The following NHLRC2 variants were observed in gnomAD, a reference collection of about 807,000 sequenced individuals.
NHLRC2 encodes NHL repeat-containing protein 2.
In NHLRC2, 33 loss-of-function variants were observed where a neutral mutation model predicts 68.1. The observed-to-expected ratio is 0.48, with a 90% CI of 0.37 to 0.65. The LOEUF is 0.65. Ranked by LOEUF, NHLRC2 falls within the 30% of genes least tolerant of loss-of-function variation. The pLI is 0.00. For missense variants in NHLRC2, 761 were observed against 853.8 expected (o/e 0.89, Z 1.35); for synonymous variants, 311 against 309.6 (o/e 1.00, Z -0.05).
intron 5 of NHLRC2, among the ~76,000 whole-genome samples, chr10:113,888,896 G>A (rs1048635589): frequency 4.1e-5 from 6 of 147,810 alleles, no homozygotes; most frequent in African/African-American, 1.3e-4. Flanking sequence ...ACGTGATCTC[G>A]GCTCACTGCA....
intron 10 of NHLRC2, 23 bp from the exon 11 acceptor site, chr10:113,908,254 TTAA>T (rs771662426): frequency 2.5e-6 from 4 of 1,584,674 alleles, no homozygotes; most frequent in East Asian, 4.5e-5. Context: ...TTATACAGTC[TTAA>T]TAATTTCATT....
rs1254098095 is a variant in NHLRC2, at chr10:113,913,719, CATAA to C, written c.*5188_*5191del. On this transcript the variant is annotated 3_prime_UTR_variant, in exon 11 of 11. Transcript: ENST00000369301. ...AATACAGTCTTCTGCTTTCTTGTTT[CATAA>C]ATAACACTGGTATGCAGACCCCTCC... is the stretch of plus-strand genomic sequence containing the variant. 2.6e-5 allele frequency: 4 copies of C among 152,200 alleles called. No homozygotes were observed. Among genetic ancestry groups the C allele is most frequent in the Admixed American group, 2.6e-4 (4 of 15,290 alleles). The allele number at this position is 152,200 out of a possible 1,614,324, so 9.4% of individuals were successfully genotyped here.
Position 113,914,778 on chromosome 10 carries a change from G to A in NHLRC2, c.*6242G>A. The A allele has an allele frequency of 3.1e-6, 1 of 325,578 alleles. No individual in the cohort carries two copies. Among genetic ancestry groups the A allele is most frequent in the Non-Finnish European group, 6.0e-6 (1 of 166,284 alleles). 20.2% of individuals were successfully genotyped at this position (325,578 alleles called of 1,614,324 possible). A position where few individuals can be genotyped will look rare whatever the true frequency, so the allele number is the denominator to read the frequency against. ...TAAATGAAGTATTAGCAATAATCAT[G>A]TCACTATTTTGTCCTGAATAATTAA... On this transcript the variant is annotated 3_prime_UTR_variant, in exon 11 of 11. Transcript: ENST00000369301.
intron 5 of NHLRC2, among the ~76,000 whole-genome samples, chr10:113,890,001 GCA>G (rs1414837834): frequency 6.6e-6 from 1 of 152,158 alleles, no homozygotes; most frequent in African/African-American, 2.4e-5. Context: ...AAACGTTTGT[GCA>G]CAGTTTTTGT....
At chr10:113,901,160 TGG>T (rs1846224740) in intron 6 of NHLRC2, among the ~76,000 whole-genome samples, 1 of 152,212 alleles carries the variant, frequency 6.6e-6, no homozygotes, top group African/African-American at 2.4e-5. Context: ...ATGTCTGACC[TGG>T]CCAACTTTCA....
chr10:113,893,638 C>T (rs911976914), intron 5 of NHLRC2, among the ~76,000 whole-genome samples: 9 of 152,244 alleles, frequency 5.9e-5, no homozygotes, highest in East Asian at 5.8e-4. Flanking sequence ...TCTCTTTCCT[C>T]GGGCATCTGA....
intron 3 of NHLRC2, among the ~76,000 whole-genome samples, chr10:113,877,375 A>G (rs749200435): frequency 3.3e-5 from 5 of 152,028 alleles, no homozygotes; most frequent in Admixed American, 6.6e-5. Context: ...CTTTTTAAAG[A>G]TCATGTCAGT....
chr10:113,884,081 G>A (rs1001126736), intron 4 of NHLRC2, among the ~76,000 whole-genome samples, 170 bp from the exon 5 acceptor site: 1 of 151,856 alleles, frequency 6.6e-6, no homozygotes, highest in African/African-American at 2.4e-5. Flanking sequence ...CTGATTATGT[G>A]CATTTGAATA....
At chr10:113,903,059 A>G (rs555791942) in intron 8 of NHLRC2, among the ~76,000 whole-genome samples, 1 of 152,334 alleles carries the variant, frequency 6.6e-6, no homozygotes, top group East Asian at 1.9e-4. Flanking sequence ...TGGATAATAA[A>G]TGTTCATGCA....
intron 8 of NHLRC2, 91 bp from the exon 9 acceptor site, chr10:113,903,436 C>G (rs1846245443): frequency 9.1e-6 from 7 of 770,026 alleles, no homozygotes; most frequent in Non-Finnish European, 1.6e-5. Flanking sequence ...TAATGGCAAT[C>G]AGAAATTAGC....
rs1210188381 is a variant in NHLRC2 at position 113,858,980 on chromosome 10, G to A, written c.331+300G>A. On this transcript the variant is annotated intron_variant, in intron 2 of 10. Transcript: ENST00000369301. The stretch of plus-strand genomic sequence containing the variant: ...AAAGGTCTTTTTGTATGTTGAGGCT[G>A]ACTTAAATTTGTTCTATTAAAAAAA... 22 of 215,406 alleles carry A rather than the reference G, an allele frequency of 1.0e-4. No individual in the cohort carries two copies. The East Asian group carries it at 1.8e-3, about 18-fold the overall frequency. 13.3% of individuals were successfully genotyped at this position (215,406 alleles called of 1,614,324 possible).
chr10:113,859,303 A>G (rs1414618375), intron 2 of NHLRC2, among the ~76,000 whole-genome samples: 1 of 152,084 alleles, frequency 6.6e-6, no homozygotes, highest in Admixed American at 6.5e-5. Context: ...TTTTTTGTCT[A>G]CTTTCTAAAA....
intron 2 of NHLRC2, among the ~76,000 whole-genome samples, chr10:113,864,955 G>GTT (rs769905965): frequency 4.9e-5 from 7 of 143,268 alleles, no homozygotes; most frequent in Non-Finnish European, 6.1e-5. Context: ...AGGTTTTTTG[G>GTT]TTTTTTTTTT....
chr10:113,893,511 G>A (rs1299073147), intron 5 of NHLRC2, among the ~76,000 whole-genome samples: 5 of 152,046 alleles, frequency 3.3e-5, no homozygotes, highest in African/African-American at 7.3e-5. Context: ...TTATTAGCTC[G>A]GTGCCATCAA....
At chr10:113,884,137 T>C (rs1187689012) in intron 4 of NHLRC2, 114 bp from the exon 5 acceptor site, 24 of 829,820 alleles carry the variant, frequency 2.9e-5, no homozygotes, top group African/African-American at 6.9e-5. Context: ...TAATAAAACT[T>C]TGTACTGCAC....
chr10:113,910,909 A>AT lies in NHLRC2; in HGVS notation c.*2377dup, dbSNP rs1846322621. 1 of 149,736 alleles carries AT rather than the reference A, an allele frequency of 6.7e-6. No homozygotes were observed. The highest frequency in any genetic ancestry group is 6.6e-5 in the Admixed American group (1 of 15,222). 9.3% of individuals were successfully genotyped at this position (149,736 alleles called of 1,614,324 possible). ...GTATTATTTATAGTAGACTAATATG[A>AT]TTTTGAATAAAATCACACTTAAGCA... is the stretch of plus-strand genomic sequence containing the variant. On this transcript the variant is annotated 3_prime_UTR_variant, in exon 11 of 11. Transcript: ENST00000369301.
rs929045072 is a variant in NHLRC2 at position 113,876,614 on chromosome 10, C to G, written c.425C>G (p.Thr142Ser). 1.2e-6 allele frequency: 2 copies of G among 1,613,126 alleles called. No individual in the cohort carries two copies. The highest frequency in any genetic ancestry group is 1.7e-6 in the Non-Finnish European group (2 of 1,179,282). Residue 142 changes from threonine to serine, a missense_variant, in exon 3 of 11, where the codon ACC becomes AGC. Coordinates refer to ENST00000369301, the MANE Select transcript of NHLRC2 (RefSeq NM_198514.4). ...IKSAVLRYNITHPMVNDADAS... is the reference protein window; with the variant it reads ...IKSAVLRYNISHPMVNDADAS... ...AGTGCTGTTCTTCGATACAACATCACCCACCCTATGGTTAATGATGCAGAT... is the reference window on the plus strand; with the variant it reads ...AGTGCTGTTCTTCGATACAACATCAGCCACCCTATGGTTAATGATGCAGAT...
intron 2 of NHLRC2, among the ~76,000 whole-genome samples, chr10:113,869,910 T>G (rs1453884624): frequency 6.6e-6 from 1 of 152,136 alleles, no homozygotes; most frequent in Non-Finnish European, 1.5e-5. Context: ...TTCTTTGTCG[T>G]TTTTTGAGCC....
At chr10:113,861,029 G>A (rs540902901) in intron 2 of NHLRC2, among the ~76,000 whole-genome samples, 1 of 152,236 alleles carries the variant, frequency 6.6e-6, no homozygotes, top group South Asian at 2.1e-4. Context: ...TAAACTCATC[G>A]TAAAGTTGAA....
Sources: allele counts gnomAD v4.1 joint callset (sites outside exome capture counted in the v4.1 genomes callset), GRCh38; gene constraint gnomAD v4.1.1; transcripts MANE v1.5; gene names NCBI Gene and HGNC (gene_info 2026-07-23, HGNC 2026-07-21).